The following DPP9 variants were observed in gnomAD, a reference collection of about 807,000 sequenced individuals.
DPP9 encodes the protein dipeptidyl peptidase 9.
In DPP9, 50 loss-of-function variants were observed where a neutral mutation model predicts 110.7. That is an observed-to-expected ratio of 0.45 (90% CI 0.36 to 0.57). The LOEUF is 0.57. Among genes scored for constraint, DPP9 ranks in the 20% least tolerant of loss-of-function variants. The pLI is 0.00. For synonymous variants in DPP9, 561 were observed against 514.4 expected, an observed-to-expected ratio of 1.09 and a Z score of -1.23; for missense variants, 1,022 against 1,217.9, an observed-to-expected ratio of 0.84 and a Z score of 2.39.
rs73920123 is a variant in DPP9 at position 4,718,787 on chromosome 19, G to A, written c.56+1064C>T. On this transcript the variant is annotated intron_variant, in intron 3 of 21. Coordinates refer to ENST00000262960, the MANE Select transcript of DPP9 (RefSeq NM_139159.5). The surrounding 1 kb of genome is among the most constrained non-coding windows in gnomAD (Gnocchi z 4.3). Reference sequence around the variant, plus strand: ...TGGGCCAATCATAGCCCTTCACACCGTCCCCGTCTTCCCCGGTCCATTCTT... The same window carrying A: ...TGGGCCAATCATAGCCCTTCACACCATCCCCGTCTTCCCCGGTCCATTCTT... Among the ~76,000 whole-genome samples the A allele has an allele frequency of 0.017, 2,595 of 152,278 alleles. 61 individuals carry two copies. The highest frequency in any genetic ancestry group is 0.06 in the African/African-American group (2,482 of 41,550).
chr19:4,683,300 AG>A, intron 19 of DPP9, 176 bp downstream of exon 19: 1 of 1,442,434 alleles, frequency 6.9e-7, no homozygotes, highest in Non-Finnish European at 9.1e-7. Flanking sequence ...GGCAATGAGG[AG>A]GGGGGCTCGG....
chr19:4,720,748 C>T (rs1203944124), intron 2 of DPP9, among the ~76,000 whole-genome samples: 1 of 152,196 alleles, frequency 6.6e-6, no homozygotes. Flanking sequence ...CAGGATAACC[C>T]ACCTCAGAGA....
rs2091065716 is a variant in DPP9, at chr19:4,689,006, C to T, written c.1750-114G>A. The T allele has an allele frequency of 2.3e-6, 3 of 1,279,050 alleles. No homozygotes were observed. Among genetic ancestry groups the T allele is most frequent in the Admixed American group, 8.2e-5 (2 of 24,248 alleles). The allele number at this position is 1,279,050 out of a possible 1,614,324, so 79.2% of individuals were successfully genotyped here. On this transcript the variant is annotated intron_variant, in intron 15 of 21. Coordinates refer to ENST00000262960, the MANE Select transcript of DPP9 (RefSeq NM_139159.5). This position sits in a 1 kb window ranked among gnomAD's most constrained non-coding sequence, Gnocchi z 7.0. ...CCCGCCCGCCCCCATCCCTCTGCCCCTGCCTGTCATGAAACCTCAAAGCTC... is the reference window on the plus strand; with the variant it reads ...CCCGCCCGCCCCCATCCCTCTGCCCTTGCCTGTCATGAAACCTCAAAGCTC...
rs888119922 is a variant in DPP9 at position 4,684,862 on chromosome 19, C to T, written c.2032-53G>A. 1.9e-6 allele frequency: 3 copies of T among 1,559,014 alleles called. No homozygotes were observed. The highest frequency in any genetic ancestry group is 1.4e-5 in the African/African-American group (1 of 73,414). On this transcript the variant is annotated intron_variant, in intron 17 of 21. Coordinates refer to ENST00000262960, the MANE Select transcript of DPP9 (RefSeq NM_139159.5). The surrounding 1 kb of genome is among the most constrained non-coding windows in gnomAD (Gnocchi z 4.8). Reference sequence around the variant, plus strand: ...AGCACGAGATGCCGGGCAGGACGGGCCTGGCAGGGGAGATGCCGGTGGGCT... The same window carrying T: ...AGCACGAGATGCCGGGCAGGACGGGTCTGGCAGGGGAGATGCCGGTGGGCT...
In DPP9 at chr19:4,676,509, C is replaced by A; in HGVS notation, c.*55G>T. On this transcript the variant is annotated 3_prime_UTR_variant, in exon 22 of 22. Transcript: ENST00000262960. The surrounding 1 kb of genome is among the most constrained non-coding windows in gnomAD (Gnocchi z 4.0). The stretch of plus-strand genomic sequence containing the variant: ...CCACTCAGTCCCTCCCGCCTGGTTC[C>A]CCGCGGAGGCTGCAGCCACTTGTGC... The A allele has an allele frequency of 6.8e-7, 1 of 1,477,386 alleles. No individual in the cohort carries two copies. Among genetic ancestry groups the A allele is most frequent in the South Asian group, 1.2e-5 (1 of 82,978 alleles). 91.5% of individuals were successfully genotyped at this position (1,477,386 alleles called of 1,614,324 possible). A position where few individuals can be genotyped will look rare whatever the true frequency, so the allele number is the denominator to read the frequency against.
chr19:4,704,202 TC>T lies in DPP9; in HGVS notation c.528del (p.Ser177ValfsTer28). 6.2e-7 allele frequency: 1 copy of T among 1,613,968 alleles called. No homozygotes were observed. The highest frequency in any genetic ancestry group is 8.5e-7 in the Non-Finnish European group (1 of 1,179,878). ...FGITSYDFHS[E>X]SGLFLFQASN... ...CTGGCCTGGAAGAGGAAGAGGCCAC[TC>T]TCGCTGTGGAAGTCGTAGGAGGTGA... On this transcript the variant is annotated frameshift_variant, in exon 6 of 22. Transcript: ENST00000262960. LOFTEE classifies it high-confidence loss of function. The surrounding 1 kb of genome is among the most constrained non-coding windows in gnomAD (Gnocchi z 6.0).
In DPP9 at chr19:4,703,958, T is replaced by C. The variant is rs762757247; in HGVS notation, c.697A>G (p.Ile233Val). 1.2e-6 allele frequency: 2 copies of C among 1,613,854 alleles called. No homozygotes were observed. The highest frequency in any genetic ancestry group is 2.2e-5 in the East Asian group (1 of 44,864). The change falls in exon 7 of 22, where the codon ATC becomes GTC. Residue 233 changes from isoleucine (I) to valine (V), a missense_variant. Ile to Val is a conservative substitution (Grantham distance 29). Coordinates refer to ENST00000262960, the MANE Select transcript of DPP9 (RefSeq NM_139159.5). ...CPADPAFFSF[I>V]NNSDLWVANI... is the part of the protein sequence containing the mutation. Reference sequence around the variant, plus strand: ...GCCACCCACAGGTCGCTGTTATTGATGAAGGAGAAGAAGGCAGGGTCGGCA... The same window carrying C: ...GCCACCCACAGGTCGCTGTTATTGACGAAGGAGAAGAAGGCAGGGTCGGCA...
rs764217528 is a variant in DPP9 at position 4,706,012 on chromosome 19, C to G, written c.314-42G>C. On this transcript the variant is annotated intron_variant, in intron 4 of 21. Coordinates refer to ENST00000262960, the MANE Select transcript of DPP9 (RefSeq NM_139159.5). ...AACACCCAGAACGGGTACCCTGGCT[C>G]AGGATGGGGAGACGCCCTCAGCCTG... The G allele has an allele frequency of 1.9e-6, 3 of 1,567,112 alleles. No homozygotes were observed. In the Admixed American group the frequency reaches 5.1e-5, roughly 27 times the overall value.
rs370415970 is a variant in DPP9, at chr19:4,704,494, C to T, written c.427-190G>A. On this transcript the variant is annotated intron_variant, in intron 5 of 21. Coordinates refer to ENST00000262960, the MANE Select transcript of DPP9 (RefSeq NM_139159.5). This position sits in a 1 kb window ranked among gnomAD's most constrained non-coding sequence, Gnocchi z 6.0. Reference sequence around the variant, plus strand: ...ACAGTGGGTGGCCAAAGATTGCCAGCGAACCTGGCCCTGCAGGACTGGCTG... The same window carrying T: ...ACAGTGGGTGGCCAAAGATTGCCAGTGAACCTGGCCCTGCAGGACTGGCTG... Among the ~76,000 whole-genome samples, 4 of 152,180 alleles carry T rather than the reference C, an allele frequency of 2.6e-5. No individual in the cohort carries two copies. The highest frequency in any genetic ancestry group is 3.8e-4 in the East Asian group (2 of 5,196).
At chr19:4,679,005 C>A (rs2089343956) in intron 21 of DPP9, among the ~76,000 whole-genome samples, 1 of 151,914 alleles carries the variant, frequency 6.6e-6, no homozygotes, top group African/African-American at 2.4e-5. Flanking sequence ...AAAATCCAGC[C>A]GAAGCCCCGC....
intron 14 of DPP9, among the ~76,000 whole-genome samples, chr19:4,690,452 T>C (rs1028412520): frequency 1.3e-5 from 2 of 152,150 alleles, no homozygotes; most frequent in African/African-American, 4.8e-5. Flanking sequence ...TGAGGATAAG[T>C]GGTCTCCTGG....
At position 4,694,850 on chromosome 19, in the gene DPP9, G is replaced by A. The variant is rs376800067; in HGVS notation, c.1354-27C>T. 3.0e-5 allele frequency: 49 copies of A among 1,610,542 alleles called. No individual in the cohort carries two copies. The highest frequency in any genetic ancestry group is 8.0e-5 in the African/African-American group (6 of 74,858). ...TGTCCGGAAAGCAGATAGAAGATGC[G>A]TCAGAAGGTGTGGGTGGCCGGGCAT... is the stretch of plus-strand genomic sequence containing the variant. On this transcript the variant is annotated intron_variant, in intron 12 of 21. Transcript: ENST00000262960. This position sits in a 1 kb window ranked among gnomAD's most constrained non-coding sequence, Gnocchi z 4.0.
intron 19 of DPP9, chr19:4,683,158 GC>G (rs755677475): frequency 2.6e-5 from 37 of 1,430,222 alleles, no homozygotes; most frequent in East Asian, 1.2e-4. Context: ...CCGGCCTGGG[GC>G]CCCCCCGCCG....
In DPP9 at chr19:4,723,752, G is replaced by T. The variant is rs950832341; in HGVS notation, c.-167C>A. ...CTCACGGTCGCGGCTCCATGCCCGG[G>T]ACTGCGACCCCGGAAGTGGCGGGAG... On this transcript the variant is annotated 5_prime_UTR_variant, in exon 1 of 22. Coordinates refer to ENST00000262960, the MANE Select transcript of DPP9 (RefSeq NM_139159.5). 1 of 154,438 alleles carries T rather than the reference G, an allele frequency of 6.5e-6. No individual in the cohort carries two copies. The highest frequency in any genetic ancestry group is 1.5e-5 in the Non-Finnish European group (1 of 68,378). 9.6% of individuals were successfully genotyped at this position (154,438 alleles called of 1,614,324 possible).
At chr19:4,721,063 G>GC (rs1302962535) in intron 2 of DPP9, among the ~76,000 whole-genome samples, 6 of 152,032 alleles carry the variant, frequency 3.9e-5, no homozygotes, top group Non-Finnish European at 7.4e-5. Context: ...GGGATAACCG[G>GC]CCCCCCCAGG....
At chr19:4,686,117 TTTC>T (rs1241498465) in intron 16 of DPP9, among the ~76,000 whole-genome samples, 1 of 151,780 alleles carries the variant, frequency 6.6e-6, no homozygotes, top group Non-Finnish European at 1.5e-5. Context: ...TTTTTTTCTT[TTTC>T]TTCTTTTTTT....
chr19:4,716,949 G>A (rs1233810278), intron 3 of DPP9, among the ~76,000 whole-genome samples: 6 of 152,182 alleles, frequency 3.9e-5, no homozygotes, highest in African/African-American at 1.4e-4. Context: ...GGAAGGTCCC[G>A]TAAGCCAAGG....
In DPP9 at chr19:4,698,954, T is replaced by A. The variant is rs1160906611; in HGVS notation, c.1074+1262A>T. ...CGGGCGGATCACGAGGTCAGGAGAT[T>A]GAGACCGTCCTGGCTAACACGGTGA... is the stretch of plus-strand genomic sequence containing the variant. On this transcript the variant is annotated intron_variant, in intron 10 of 21. Transcript: ENST00000262960. The surrounding 1 kb of genome is among the most constrained non-coding windows in gnomAD (Gnocchi z 4.2). Among the ~76,000 whole-genome samples, 2 of 151,736 alleles carry A rather than the reference T, an allele frequency of 1.3e-5. No individual in the cohort carries two copies. The highest frequency in any genetic ancestry group is 2.9e-5 in the Non-Finnish European group (2 of 67,928).
At position 4,684,848 on chromosome 19, in the gene DPP9, C is replaced by G; in HGVS notation, c.2032-39G>C. 1 of 1,567,952 alleles carries G rather than the reference C, an allele frequency of 6.4e-7. No homozygotes were observed. The highest frequency in any genetic ancestry group is 8.6e-7 in the Non-Finnish European group (1 of 1,157,242). On this transcript the variant is annotated intron_variant, in intron 17 of 21. Coordinates refer to ENST00000262960, the MANE Select transcript of DPP9 (RefSeq NM_139159.5). This position sits in a 1 kb window ranked among gnomAD's most constrained non-coding sequence, Gnocchi z 4.8. ...AGGGCCAGCAGTCCAGCACGAGATG[C>G]CGGGCAGGACGGGCCTGGCAGGGGA...
Sources: gnomAD v4.1 joint callset for allele counts (sites outside exome capture counted in the v4.1 genomes callset) on GRCh38, gnomAD v4.1.1 for gene constraint, Gnocchi (gnomAD v3.1) non-coding constraint, MANE v1.5 for transcripts, NCBI Gene and HGNC (gene_info 2026-07-23, HGNC 2026-07-21) for gene names.